The following FRK variants were observed in gnomAD, a reference collection of about 807,000 sequenced individuals.
FRK encodes tyrosine-protein kinase FRK.
A neutral mutation model predicts 56.4 loss-of-function variants in FRK; 51 were observed. That is an observed-to-expected ratio of 0.90 (90% CI 0.72 to 1.14). The LOEUF is 1.14. FRK is among the 50% of genes most tolerant of loss of function. FRK has a pLI of 0.00. For missense variants in FRK, 570 were observed against 601.4 expected (o/e 0.95, Z 0.55); for synonymous variants, 245 against 217.9 (o/e 1.12, Z -1.10).
the FRK span, among the ~76,000 whole-genome samples, chr6:116,089,542 G>A: frequency 6.6e-6 from 1 of 152,240 alleles, no homozygotes; most frequent in African/African-American, 2.4e-5. Flanking sequence ...GGTGTCAGCA[G>A]GCTTGGTTTC....
At chr6:116,068,112 AG>A in the FRK span, among the ~76,000 whole-genome samples, 2 of 152,204 alleles carry the variant, frequency 1.3e-5, no homozygotes, top group African/African-American at 4.8e-5. Flanking sequence ...GCCTGACACT[AG>A]GGGAAATGAC....
chr6:115,977,076 C>T (rs1774016875), intron 2 of FRK, among the ~76,000 whole-genome samples: 1 of 152,070 alleles, frequency 6.6e-6, no homozygotes, highest in African/African-American at 2.4e-5. Flanking sequence ...AAAACCATTA[C>T]AAAGACAACC....
chr6:116,100,636 C>A, the FRK span, among the ~76,000 whole-genome samples: 3 of 152,180 alleles, frequency 2.0e-5, no homozygotes, highest in Non-Finnish European at 4.4e-5. Context: ...GCCTTCTGGG[C>A]TCCTAGGCTT....
chr6:115,985,829 C>T (rs1250572574), intron 2 of FRK, among the ~76,000 whole-genome samples: 1 of 151,394 alleles, frequency 6.6e-6, no homozygotes, highest in East Asian at 1.9e-4. Context: ...AGCTTCTGTT[C>T]CAATCTGGAG....
the FRK span, among the ~76,000 whole-genome samples, chr6:116,093,273 C>G: frequency 6.6e-6 from 1 of 152,174 alleles, no homozygotes; most frequent in Non-Finnish European, 1.5e-5. Flanking sequence ...CCCGGGCTAT[C>G]AGTTATGTCC....
At chr6:116,000,560 T>C (rs995615576) in intron 2 of FRK, among the ~76,000 whole-genome samples, 4 of 152,124 alleles carry the variant, frequency 2.6e-5, no homozygotes, top group African/African-American at 9.7e-5. Context: ...TTCTTCTATA[T>C]TTTTAACGCT....
At chr6:116,083,952 T>C in the FRK span, among the ~76,000 whole-genome samples, 6 of 152,120 alleles carry the variant, frequency 3.9e-5, no homozygotes, top group African/African-American at 1.4e-4. Context: ...TGAGCCACAG[T>C]GCTTAGCCCT....
chr6:115,980,007 A>G (rs1366326542), intron 2 of FRK, among the ~76,000 whole-genome samples: 1 of 152,134 alleles, frequency 6.6e-6, no homozygotes, highest in East Asian at 1.9e-4. Flanking sequence ...TGAGAGAGAA[A>G]TTTCTCACAT....
intron 1 of FRK, among the ~76,000 whole-genome samples, chr6:116,017,013 C>T (rs972880858): frequency 6.6e-6 from 1 of 152,164 alleles, no homozygotes; most frequent in African/African-American, 2.4e-5. Context: ...AAGGCTCTGC[C>T]TGCACTGATG....
chr6:116,044,111 A>G (rs1193925088), intron 1 of FRK, among the ~76,000 whole-genome samples: 1 of 152,216 alleles, frequency 6.6e-6, no homozygotes, highest in Non-Finnish European at 1.5e-5. Flanking sequence ...CCAACCAAAG[A>G]AAACCCAGGA....
At chr6:115,956,693 T>C (rs978519675) in intron 4 of FRK, 83 bp from the exon 5 acceptor site, 36 of 1,113,372 alleles carry the variant, frequency 3.2e-5, no homozygotes, top group Non-Finnish European at 4.4e-5. Flanking sequence ...TCATCAAGAT[T>C]GCCTCCTGCT....
chr6:116,095,887 G>A, the FRK span, among the ~76,000 whole-genome samples: 6 of 152,140 alleles, frequency 3.9e-5, no homozygotes, highest in Non-Finnish European at 7.3e-5. Context: ...GGGACAGTAT[G>A]AGATGCCGCC....
chr6:116,003,531 T>C (rs181382340), intron 2 of FRK, among the ~76,000 whole-genome samples: 30 of 152,352 alleles, frequency 2.0e-4, no homozygotes, highest in African/African-American at 7.0e-4. Flanking sequence ...AAAAATTATA[T>C]TGTAGCATGA....
chr6:116,049,641 G>C (rs192488785), intron 1 of FRK, among the ~76,000 whole-genome samples: 2 of 152,264 alleles, frequency 1.3e-5, no homozygotes, highest in East Asian at 3.9e-4. Context: ...GTGGACGTAA[G>C]CAGTTTACTT....
At chr6:116,041,865 C>T (rs1337437184) in intron 1 of FRK, among the ~76,000 whole-genome samples, 42 of 152,120 alleles carry the variant, frequency 2.8e-4, no homozygotes, top group Admixed American at 2.7e-3. Flanking sequence ...TTTTTCATAC[C>T]CCAGTGGTGC....
the FRK span, among the ~76,000 whole-genome samples, chr6:116,072,064 G>C: frequency 6.6e-6 from 1 of 152,264 alleles, no homozygotes; most frequent in South Asian, 2.1e-4. Flanking sequence ...AACCTAAATA[G>C]AATTTGTGAA....
intron 4 of FRK, among the ~76,000 whole-genome samples, chr6:115,965,997 A>T (rs1371350287): frequency 1.7e-5 from 2 of 120,716 alleles, no homozygotes; most frequent in African/African-American, 6.2e-5. Flanking sequence ...ACATGTATAC[A>T]TATGTAACTA....
At chr6:115,955,139 T>C (rs1772935318) in intron 5 of FRK, among the ~76,000 whole-genome samples, 1 of 151,372 alleles carries the variant, frequency 6.6e-6, no homozygotes, top group East Asian at 1.9e-4. Flanking sequence ...ACTAGTGACG[T>C]TGTGAACAGT....
At chr6:116,034,852 T>C (rs1412447446) in intron 1 of FRK, among the ~76,000 whole-genome samples, 1 of 152,144 alleles carries the variant, frequency 6.6e-6, no homozygotes, top group Non-Finnish European at 1.5e-5. Flanking sequence ...GTATTTTAGA[T>C]ATACTTACAA....
Sources: allele counts gnomAD v4.1 joint callset (sites outside exome capture counted in the v4.1 genomes callset), GRCh38; gene constraint gnomAD v4.1.1; transcripts MANE v1.5; gene names NCBI Gene and HGNC (gene_info 2026-07-23, HGNC 2026-07-21).